Variants in ENOSF1 observed in about 807,000 individuals in gnomAD.
The protein encoded by ENOSF1 is enolase superfamily member 1.
Under a neutral mutation model 68.2 loss-of-function variants are expected in ENOSF1, and 73 were observed. The ratio of observed to expected loss-of-function variants is 1.07; its 90% CI spans 0.89 to 1.30. ENOSF1 has a LOEUF of 1.30. Ranked by LOEUF, ENOSF1 falls within the 50% of genes most tolerant of loss-of-function variation. The pLI is 0.00. For missense variants in ENOSF1, 589 were observed against 554.5 expected, an observed-to-expected ratio of 1.06 and a Z score of -0.62; for synonymous variants, 223 against 210.4, an observed-to-expected ratio of 1.06 and a Z score of -0.52.
chr18:689,128 G>A (rs1311173884), intron 8 of ENOSF1, among the ~76,000 whole-genome samples: 1 of 152,096 alleles, frequency 6.6e-6, no homozygotes, highest in Non-Finnish European at 1.5e-5. Flanking sequence ...CTCGCAGTGG[G>A]TCTACCGCTG....
intron 2 of ENOSF1, among the ~76,000 whole-genome samples, chr18:698,039 C>T (rs1276381684): frequency 1.3e-5 from 2 of 152,180 alleles, no homozygotes; most frequent in African/African-American, 4.8e-5. Context: ...AGTGATCCAC[C>T]CGCCTTGGCC....
chr18:676,509 C>T (rs1049205933), intron 14 of ENOSF1, among the ~76,000 whole-genome samples: 14 of 152,332 alleles, frequency 9.2e-5, no homozygotes, highest in Admixed American at 4.6e-4. Context: ...GTTCCCCCTT[C>T]ACCTTCCATC....
In ENOSF1 at chr18:690,448, G is replaced by A. The variant is rs2077029010; in HGVS notation, c.618+101C>T. 7.0e-6 allele frequency: 9 copies of A among 1,291,876 alleles called. No homozygotes were observed. In the South Asian group the frequency reaches 1.1e-4, roughly 16 times the overall value. The allele number at this position is 1,291,876 out of a possible 1,614,324, so 80.0% of individuals were successfully genotyped here. ...AGAAGGAAAACCACACACATCTGGT[G>A]TCAGAAGTGAGGTACTGAGAGTAGT... On this transcript the variant is annotated intron_variant, in intron 8 of 15. Coordinates refer to ENST00000647584, the MANE Select transcript of ENOSF1 (RefSeq NM_017512.7).
rs1341076276 is a variant in ENOSF1 at position 671,817 on chromosome 18, G to A, written c.*2488C>T. 3 of 249,196 alleles carry A rather than the reference G, an allele frequency of 1.2e-5. No individual in the cohort carries two copies. Among genetic ancestry groups the A allele is most frequent in the Non-Finnish European group, 2.3e-5 (3 of 129,392 alleles). 15.4% of individuals were successfully genotyped at this position (249,196 alleles called of 1,614,324 possible). ...TTTTGAGATGGAGTCTTTCTCTGTC[G>A]GCCAGGCTGGAGTGTGCCGTGGTGC... On this transcript the variant is annotated 3_prime_UTR_variant, in exon 16 of 16. Coordinates refer to ENST00000647584, the MANE Select transcript of ENOSF1 (RefSeq NM_017512.7).
intron 3 of ENOSF1, 122 bp downstream of exon 3, chr18:697,118 A>G: frequency 1.3e-6 from 1 of 796,572 alleles, no homozygotes; most frequent in Non-Finnish European, 2.1e-6. Flanking sequence ...CTCCATCTCA[A>G]AAAATAAATA....
At chr18:677,002 T>G (rs537291826) in intron 14 of ENOSF1, among the ~76,000 whole-genome samples, 71 of 152,334 alleles carry the variant, frequency 4.7e-4, no homozygotes, top group African/African-American at 1.4e-3. Flanking sequence ...AATGTGTGTC[T>G]AGACCATGGA....
intron 9 of ENOSF1, 93 bp from the exon 10 acceptor site, chr18:686,101 A>G (rs2076590243): frequency 1.2e-6 from 1 of 860,360 alleles, no homozygotes; most frequent in African/African-American, 1.7e-5. Flanking sequence ...CTCTGTCAAC[A>G]ATTCACAGAT....
At chr18:694,116 G>GA (rs1209066708) in intron 4 of ENOSF1, 132 bp downstream of exon 4, 3 of 1,121,976 alleles carry the variant, frequency 2.7e-6, no homozygotes, top group Non-Finnish European at 3.8e-6. Context: ...TCTCAGAGGA[G>GA]AAAAAAACAC....
At chr18:703,401 C>T (rs1222825326) in intron 2 of ENOSF1, among the ~76,000 whole-genome samples, 7 of 152,088 alleles carry the variant, frequency 4.6e-5, no homozygotes, top group Non-Finnish European at 7.4e-5. Context: ...ATCTTGTAAG[C>T]TCGCTGAGTT....
In ENOSF1 at chr18:671,476, G is replaced by C; in HGVS notation, c.*2829C>G. ...GGTAAGAATTAGATGTTATACTTTTGGGTTTGGTACCTTCTCTTGATAAAA... is the reference window on the plus strand; with the variant it reads ...GGTAAGAATTAGATGTTATACTTTTCGGTTTGGTACCTTCTCTTGATAAAA... On this transcript the variant is annotated 3_prime_UTR_variant, in exon 16 of 16. Transcript: ENST00000647584. The C allele has an allele frequency of 6.6e-7, 1 of 1,512,346 alleles. No individual in the cohort carries two copies. The highest frequency in any genetic ancestry group is 9.2e-7 in the Non-Finnish European group (1 of 1,088,294). 93.7% of individuals were successfully genotyped at this position (1,512,346 alleles called of 1,614,324 possible).
chr18:677,152 C>T (rs1267698284), intron 14 of ENOSF1, among the ~76,000 whole-genome samples, 193 bp downstream of exon 14: 1 of 152,082 alleles, frequency 6.6e-6, no homozygotes, highest in Non-Finnish European at 1.5e-5. Context: ...GCTACCAGAC[C>T]CTATCTTAGG....
intron 14 of ENOSF1, among the ~76,000 whole-genome samples, chr18:676,040 C>A (rs2075478978): frequency 6.6e-6 from 1 of 152,162 alleles, no homozygotes; most frequent in African/African-American, 2.4e-5. Context: ...AAAATACATT[C>A]CATACTCCCC....
At chr18:709,602 C>T (rs888309154) in intron 1 of ENOSF1, among the ~76,000 whole-genome samples, 1 of 152,066 alleles carries the variant, frequency 6.6e-6, no homozygotes, top group African/African-American at 2.4e-5. Context: ...GAAACCCCGT[C>T]TCTACCAAAA....
In ENOSF1 at chr18:712,298, C is replaced by A; in HGVS notation, c.84+206G>T. On this transcript the variant is annotated intron_variant, in intron 1 of 15. Transcript: ENST00000647584. ...AATGGGTTCGAAGTCGGGAAGCTGCCCGGGGCCCGCAGAGCTGCAGTCGGC... is the reference window on the plus strand; with the variant it reads ...AATGGGTTCGAAGTCGGGAAGCTGCACGGGGCCCGCAGAGCTGCAGTCGGC... 8 of 1,514,026 alleles carry A rather than the reference C, an allele frequency of 5.3e-6. 1 individual carries two copies. Among genetic ancestry groups the A allele is most frequent in the South Asian group, 4.8e-5 (4 of 83,188 alleles). 93.8% of individuals were successfully genotyped at this position (1,514,026 alleles called of 1,614,324 possible).
chr18:671,045 C>A lies in ENOSF1; in HGVS notation c.*3260G>T. 1 of 740,020 alleles carries A rather than the reference C, an allele frequency of 1.4e-6. No homozygotes were observed. The highest frequency in any genetic ancestry group is 2.2e-6 in the Non-Finnish European group (1 of 464,048). The allele number at this position is 740,020 out of a possible 1,614,324, so 45.8% of individuals were successfully genotyped here. ...CTTCCTCTTCTGGAAGGTTTTCTGG[C>A]CCTGTGGTATACGCACTAACAGATC... On this transcript the variant is annotated 3_prime_UTR_variant, in exon 16 of 16. Coordinates refer to ENST00000647584, the MANE Select transcript of ENOSF1 (RefSeq NM_017512.7).
At chr18:683,509 C>G in intron 10 of ENOSF1, 129 bp from the exon 11 acceptor site, 1 of 1,067,240 alleles carries the variant, frequency 9.4e-7, no homozygotes. Context: ...AACGCCTCTG[C>G]TGAGGCCCAG....
chr18:672,318 TGGA>T lies in ENOSF1; in HGVS notation c.*1984_*1986del, dbSNP rs2075099665. The T allele has an allele frequency of 6.6e-6, 1 of 152,206 alleles. No homozygotes were observed. Among genetic ancestry groups the T allele is most frequent in the African/African-American group, 2.4e-5 (1 of 41,448 alleles). 9.4% of individuals were successfully genotyped at this position (152,206 alleles called of 1,614,324 possible). On this transcript the variant is annotated 3_prime_UTR_variant, in exon 16 of 16. Coordinates refer to ENST00000647584, the MANE Select transcript of ENOSF1 (RefSeq NM_017512.7). ...TTGAGGGAGTTTGGCTGCTTTTGAGTGGAGGTGACTTCAGGCTTATTCTCTCTG... is the reference window on the plus strand; with the variant it reads ...TTGAGGGAGTTTGGCTGCTTTTGAGTGGTGACTTCAGGCTTATTCTCTCTG...
intron 2 of ENOSF1, among the ~76,000 whole-genome samples, chr18:700,301 A>G (rs1211871549): frequency 1.3e-5 from 2 of 152,170 alleles, no homozygotes; most frequent in Non-Finnish European, 2.9e-5. Context: ...TCACTTCTTG[A>G]AGGTTGATGC....
chr18:708,033 T>C (rs1416049525), intron 1 of ENOSF1, among the ~76,000 whole-genome samples: 13 of 151,610 alleles, frequency 8.6e-5, no homozygotes. Flanking sequence ...CTTTTTTTTT[T>C]TTTTTTTAGT....
Sources: allele counts gnomAD v4.1 joint callset (sites outside exome capture counted in the v4.1 genomes callset), GRCh38; gene constraint gnomAD v4.1.1; transcripts MANE v1.5; gene names NCBI Gene and HGNC (gene_info 2026-07-23, HGNC 2026-07-21).